The following CP variants were observed in gnomAD, a reference collection of about 807,000 sequenced individuals.
The protein encoded by CP is ceruloplasmin.
A neutral mutation model predicts 122.4 loss-of-function variants in CP; 64 were observed. That is an observed-to-expected ratio of 0.52 (90% CI 0.43 to 0.64). The LOEUF (loss-of-function observed/expected upper bound fraction) is 0.64. Among genes scored for constraint, CP ranks in the 30% least tolerant of loss-of-function variants. CP has a pLI of 0.00. For synonymous variants in CP, 440 were observed against 436.4 expected, an observed-to-expected ratio of 1.01 and a Z score of -0.10; for missense variants, 1,167 against 1,284.4, an observed-to-expected ratio of 0.91 and a Z score of 1.40.
In CP at chr3:149,175,762, T is replaced by C. The variant is rs573695207; in HGVS notation, c.3181+488A>G. Among the ~76,000 whole-genome samples, 5 of 152,110 alleles carry C rather than the reference T, an allele frequency of 3.3e-5. No individual in the cohort carries two copies. In the East Asian group the frequency reaches 9.6e-4, roughly 29 times the overall value. ...TTAAATTTTGTTTCTTCCCTGGATCTTTCACAAACAATTATCGGTAAGGTT... is the reference window on the plus strand; with the variant it reads ...TTAAATTTTGTTTCTTCCCTGGATCCTTCACAAACAATTATCGGTAAGGTT... On this transcript the variant is annotated intron_variant, in intron 18 of 18. Transcript: ENST00000264613.
chr3:149,200,713 G>A (rs1727245502), intron 7 of CP, among the ~76,000 whole-genome samples: 1 of 150,704 alleles, frequency 6.6e-6, no homozygotes, highest in Non-Finnish European at 1.5e-5. Context: ...GTTTCGCCAT[G>A]TTGACCAGGC....
rs765180751 is a variant in CP, at chr3:149,221,660, TA to T, written c.132del (p.Ile45PhefsTer40). The T allele has an allele frequency of 6.2e-7, 1 of 1,612,028 alleles. No homozygotes were observed. Among genetic ancestry groups the T allele is most frequent in the Non-Finnish European group, 8.5e-7 (1 of 1,179,420 alleles). ...ATAGTGACTTACGTGTCAACAGAAA[TA>T]AGTTTCTTTTCCCCATGGTCAGAGG... ...DYASDHGEKK[L>X]ISVDTEHSNI... is the part of the protein sequence containing the mutation. On this transcript the variant is annotated frameshift_variant, in exon 1 of 19. Coordinates refer to ENST00000264613, the MANE Select transcript of CP (RefSeq NM_000096.4). LOFTEE classifies it high-confidence loss of function.
chr3:149,186,735 G>A lies in CP; in HGVS notation c.1865-3C>T. 2 of 1,613,518 alleles carry A rather than the reference G, an allele frequency of 1.2e-6. No homozygotes were observed. Among genetic ancestry groups the A allele is most frequent in the Non-Finnish European group, 1.7e-6 (2 of 1,179,792 alleles). ...CCCATACATGAATCCATTCATGGCT[G>A]TAAAAGTTGGGAAATAACATTTTGG... On this transcript the variant is annotated splice_polypyrimidine_tract_variant and splice_region_variant and intron_variant, in intron 10 of 18. Coordinates refer to ENST00000264613, the MANE Select transcript of CP (RefSeq NM_000096.4).
intron 5 of CP, among the ~76,000 whole-genome samples, chr3:149,164,265 T>G (rs1196167249): frequency 6.6e-6 from 1 of 152,204 alleles, no homozygotes; most frequent in Non-Finnish European, 1.5e-5. Context: ...GGCAAATGTT[T>G]AGTGGTGTTT....
chr3:149,179,479 GA>G, intron 15 of CP, 76 bp downstream of exon 15: 1 of 1,138,772 alleles, frequency 8.8e-7, no homozygotes, highest in Non-Finnish European at 1.3e-6. Context: ...TGGACCACAG[GA>G]AAACACTAAC....
chr3:149,163,848 G>A lies in CP; in HGVS notation c.*14-973C>T, dbSNP rs774033948. On this transcript the variant is annotated intron_variant, in intron 5 of 5. Coordinates refer to the CP transcript ENST00000479771. ...AAATTCTTTTATGTTTTAGATAAAT[G>A]CCTGTAGTCATTATGGCTTAATTTA... The A allele has an allele frequency of 9.9e-6, 15 of 1,508,498 alleles. No homozygotes were observed. The South Asian group carries it at 1.7e-4, about 17-fold the overall frequency. The allele number at this position is 1,508,498 out of a possible 1,614,324, so 93.4% of individuals were successfully genotyped here.
intron 5 of CP, 89 bp downstream of exon 5, chr3:149,207,274 A>T (rs1429048488): frequency 6.5e-7 from 1 of 1,529,060 alleles, no homozygotes; most frequent in Non-Finnish European, 9.0e-7. Context: ...CAAAGCTCAG[A>T]TTATTTCAAA....
chr3:149,165,925 G>A (rs1454318652), intron 5 of CP: 1 of 433,180 alleles, frequency 2.3e-6, no homozygotes, highest in Non-Finnish European at 4.6e-6. Context: ...TATTAAACTT[G>A]CAGGAAGAAA....
intron 11 of CP, 124 bp from the exon 12 acceptor site, chr3:149,185,570 C>T: frequency 3.8e-6 from 3 of 794,886 alleles, no homozygotes; most frequent in Non-Finnish European, 6.1e-6. Flanking sequence ...TCCACACCTT[C>T]TGCTCACCCT....
At chr3:149,211,632 G>A (rs1311264870) in intron 2 of CP, among the ~76,000 whole-genome samples, 1 of 152,166 alleles carries the variant, frequency 6.6e-6, no homozygotes, top group Non-Finnish European at 1.5e-5. Context: ...AGTCATCCAG[G>A]CATATGTACC....
At chr3:149,178,665 G>T in intron 15 of CP, 34 bp from the exon 16 acceptor site, 1 of 1,453,268 alleles carries the variant, frequency 6.9e-7, no homozygotes, top group Non-Finnish European at 9.6e-7. Flanking sequence ...TAACCCTTGT[G>T]AATTAGGTCA....
intron 9 of CP, among the ~76,000 whole-genome samples, chr3:149,197,408 T>C (rs1191639323): frequency 6.6e-6 from 1 of 152,014 alleles, no homozygotes; most frequent in Non-Finnish European, 1.5e-5. Flanking sequence ...AGTTTATGAA[T>C]CTAGGAAACC....
At position 149,177,148 on chromosome 3, in the gene CP, T is replaced by G. The variant is rs538219535; in HGVS notation, c.3018+692A>C. On this transcript the variant is annotated intron_variant, in intron 17 of 18. Coordinates refer to ENST00000264613, the MANE Select transcript of CP (RefSeq NM_000096.4). ...ACAGACCAGTTGCTTGTCACCTAAC[T>G]GATCTTGCTCACCATGGGCCATTTA... is the stretch of plus-strand genomic sequence containing the variant. 2.6e-5 allele frequency among the ~76,000 whole-genome samples: 4 copies of G among 152,278 alleles called. No individual in the cohort carries two copies. In the South Asian group the frequency reaches 8.3e-4, roughly 32 times the overall value.
In CP at chr3:149,183,453, G is replaced by C. The variant is rs780717290; in HGVS notation, c.2425+13C>G. On this transcript the variant is annotated intron_variant, in intron 13 of 18. Transcript: ENST00000264613. The stretch of plus-strand genomic sequence containing the variant: ...ATTAACCCACACCTGATAAACTGGA[G>C]ATATTAACATACCTAGAATTCCCAG... The C allele has an allele frequency of 6.2e-6, 10 of 1,610,416 alleles. No homozygotes were observed. The highest frequency in any genetic ancestry group is 2.3e-4 in the Middle Eastern group (1 of 4,428).
Position 149,185,219 on chromosome 3 carries a change from A to G in CP, c.2285+20T>C. 1 of 1,610,840 alleles carries G rather than the reference A, an allele frequency of 6.2e-7. No homozygotes were observed. Among genetic ancestry groups the G allele is most frequent in the Non-Finnish European group, 8.5e-7 (1 of 1,178,838 alleles). ...CCTAAAATTACTGCTGAAATTGGGA[A>G]TCAGAGTCTGGAGAATTACTTCTGC... On this transcript the variant is annotated intron_variant, in intron 12 of 18. Transcript: ENST00000264613.
intron 17 of CP, among the ~76,000 whole-genome samples, chr3:149,177,014 T>C (rs1725464796): frequency 6.6e-6 from 1 of 152,166 alleles, no homozygotes; most frequent in South Asian, 2.1e-4. Context: ...TTTGATAACT[T>C]CTGCCTTTTC....
chr3:149,184,028 C>CTTTTTTTTTTTTTT lies in CP; in HGVS notation c.2286-437_2286-424dup, dbSNP rs869206210. On this transcript the variant is annotated intron_variant, in intron 12 of 18. Transcript: ENST00000264613. ...CCAGGCATTCCCTTTTCACTTACTT[C>CTTTTTTTTTTTTTT]TTTTTTTTTTTTTTTTTTTTTTTTT... is the stretch of plus-strand genomic sequence containing the variant. 2.5e-4 allele frequency among the ~76,000 whole-genome samples: 16 copies of CTTTTTTTTTTTTTT among 63,564 alleles called. 2 individuals carry two copies. The highest frequency in any genetic ancestry group is 4.3e-4 in the Non-Finnish European group (15 of 34,782). 41.7% of individuals were successfully genotyped at this position (63,564 alleles called of 152,430 possible). A position where few individuals can be genotyped will look rare whatever the true frequency, so the allele number is the denominator to read the frequency against.
chr3:149,163,721 G>C (rs1724118297), intron 5 of CP: 1 of 620,102 alleles, frequency 1.6e-6, no homozygotes, highest in Non-Finnish European at 2.9e-6. Context: ...CCATTCCCAG[G>C]AAAGTATATA....
chr3:149,179,280 T>C (rs1173807790), intron 15 of CP, among the ~76,000 whole-genome samples: 2 of 152,192 alleles, frequency 1.3e-5, no homozygotes, highest in African/African-American at 4.8e-5. Flanking sequence ...ACTGCCATTC[T>C]TGGTCAATTT....
Sources: gnomAD v4.1 joint callset for allele counts (sites outside exome capture counted in the v4.1 genomes callset) on GRCh38, gnomAD v4.1.1 for gene constraint, MANE v1.5 for transcripts, NCBI Gene and HGNC (gene_info 2026-07-23, HGNC 2026-07-21) for gene names.